Variants in CUL3 observed in about 807,000 individuals in gnomAD.
The protein encoded by CUL3 is cullin 3.
A neutral mutation model predicts 89.1 loss-of-function variants in CUL3; 19 were observed. The observed-to-expected ratio is 0.21, with a 90% CI of 0.15 to 0.31. The LOEUF (loss-of-function observed/expected upper bound fraction) is 0.31, where lower values mean the gene tolerates loss of function less well. Ranked by LOEUF, CUL3 falls within the 10% of genes least tolerant of loss-of-function variation. The pLI, the probability that CUL3 is intolerant of heterozygous loss-of-function variation, is 1.00. For synonymous variants in CUL3, 351 were observed against 308.4 expected (o/e 1.14, Z -1.45); for missense variants, 469 against 942.3 (o/e 0.50, Z 6.58).
At chr2:224,505,924 TA>T (rs1235860381) in intron 8 of CUL3, 31 bp downstream of exon 8, 1 of 1,364,084 alleles carries the variant, frequency 7.3e-7, no homozygotes, top group Non-Finnish European at 9.9e-7. Context: ...TAAATAAAAT[TA>T]AATGTTATTT....
In CUL3 at chr2:224,506,116, T is replaced by G; in HGVS notation, c.1046A>C (p.Lys349Thr). The G allele has an allele frequency of 6.3e-7, 1 of 1,594,318 alleles. No individual in the cohort carries two copies. Among genetic ancestry groups the G allele is most frequent in the Non-Finnish European group, 8.5e-7 (1 of 1,171,322 alleles). Residue 349 changes from lysine (K) to threonine (T), a missense_variant, in exon 8 of 16, where the codon AAG becomes ACG. Physicochemically the swap from Lys to Thr is moderately conservative, Grantham distance 78. This residue lies in a region of CUL3 where 370 missense variants were observed against 733.2 expected (regional missense o/e 0.50). Transcript: ENST00000264414. ...CAGGAGGAAGCGATCGAACCTACTC[T>G]TCAGATCCAATAAGCCCTTAGAAAT... The part of the protein sequence containing the change: ...VDYIQGLLDL[K>T]SRFDRFLLES...
chr2:224,505,970 T>G lies in CUL3; in HGVS notation c.1192A>C (p.Lys398Gln). The G allele has an allele frequency of 6.3e-7, 1 of 1,595,702 alleles. No individual in the cohort carries two copies. Among genetic ancestry groups the G allele is most frequent in the Non-Finnish European group, 8.5e-7 (1 of 1,170,858 alleles). The change falls in exon 8 of 16, where the codon AAG (lysine) becomes CAG (glutamine). Residue 398 changes from lysine (K) to glutamine (Q), a missense_variant. This residue lies in a region of CUL3 where 370 missense variants were observed against 733.2 expected (regional missense o/e 0.50). Coordinates refer to ENST00000264414, the MANE Select transcript of CUL3 (RefSeq NM_003590.5). ...TTACTACTTACCCCTTTGACTCCCTTTTTCAGCTTATCATCAATAAATAAT... is the reference window on the plus strand; with the variant it reads ...TTACTACTTACCCCTTTGACTCCCTGTTTCAGCTTATCATCAATAAATAAT... ...LSLFIDDKLKKGVKGLTEQEV... is the reference protein window; with the variant it reads ...LSLFIDDKLKQGVKGLTEQEV...
intron 2 of CUL3, among the ~76,000 whole-genome samples, chr2:224,548,926 T>C (rs1312625217): frequency 6.6e-6 from 1 of 151,822 alleles, no homozygotes; most frequent in East Asian, 1.9e-4. Flanking sequence ...CACCACAGCC[T>C]GGGAGGCGGA....
chr2:224,471,149 C>T lies in CUL3; in HGVS notation c.*3096G>A, dbSNP rs886055681. 9.3e-6 allele frequency: 2 copies of T among 214,708 alleles called. No individual in the cohort carries two copies. The highest frequency in any genetic ancestry group is 7.1e-5 in the East Asian group (1 of 14,176). 13.3% of individuals were successfully genotyped at this position (214,708 alleles called of 1,614,324 possible). The stretch of plus-strand genomic sequence containing the variant: ...TGCTGACCTGAAATGTTTTAACATT[C>T]GTATTTACAGAATGCAAAATACTAT... On this transcript the variant is annotated 3_prime_UTR_variant, in exon 16 of 16. Transcript: ENST00000264414.
Position 224,506,139 on chromosome 2 carries a change from A to C in CUL3, c.1030-7T>G, listed in dbSNP as rs1457745922. 3 of 1,552,424 alleles carry C rather than the reference A, an allele frequency of 1.9e-6. No homozygotes were observed. The highest frequency in any genetic ancestry group is 2.6e-6 in the Non-Finnish European group (3 of 1,151,826). On this transcript the variant is annotated splice_polypyrimidine_tract_variant and splice_region_variant and intron_variant, in intron 7 of 15. Transcript: ENST00000264414. The stretch of plus-strand genomic sequence containing the variant: ...TCTTCAGATCCAATAAGCCCTTAGA[A>C]ATAAAAACAAAATTTAGGACACATT...
Position 224,478,290 on chromosome 2 carries a change from T to C in CUL3, c.2085A>G (p.Val695=), listed in dbSNP as rs1198997823. The C allele has an allele frequency of 1.2e-6, 2 of 1,613,840 alleles. No individual in the cohort carries two copies. Among genetic ancestry groups the C allele is most frequent in the East Asian group, 2.2e-5 (1 of 44,854 alleles). The part of the protein sequence containing the change: ...DPERKETRQK[V]DDDRKHEIEA... ...CTATCTCATGTTTTCTGTCGTCGTC[T>C]ACTTTCTGCCTTGTTTCTTTCCTCT... is the stretch of plus-strand genomic sequence containing the variant. Residue 695 remains valine, a synonymous_variant, in exon 15 of 16, where the codon GTA becomes GTG. Transcript: ENST00000264414.
In CUL3 at chr2:224,514,599, A is replaced by G. The variant is rs561466490; in HGVS notation, c.539+13T>C. 19 of 1,598,300 alleles carry G rather than the reference A, an allele frequency of 1.2e-5. No homozygotes were observed. In the South Asian group the frequency reaches 1.5e-4, roughly 12 times the overall value. On this transcript the variant is annotated intron_variant, in intron 4 of 15. Coordinates refer to ENST00000264414, the MANE Select transcript of CUL3 (RefSeq NM_003590.5). Reference sequence around the variant, plus strand: ...TAAAACCAAAACCACAAGAGTAAAGAGAGAAATTTTACCTGTCTACGACTT... The same window carrying G: ...TAAAACCAAAACCACAAGAGTAAAGGGAGAAATTTTACCTGTCTACGACTT...
At chr2:224,493,717 T>C (rs1239623449) in intron 13 of CUL3, among the ~76,000 whole-genome samples, 1 of 152,210 alleles carries the variant, frequency 6.6e-6, no homozygotes, top group African/African-American at 2.4e-5. Context: ...CAGGTCTTTA[T>C]AAGCCAGGAC....
rs947399928 is a variant in CUL3 at position 224,472,474 on chromosome 2, T to C, written c.*1771A>G. The stretch of plus-strand genomic sequence containing the variant: ...TTACTTTCCTATAAACATCTTACCA[T>C]TATAGAAAATTTCCAATTATGTCAA... On this transcript the variant is annotated 3_prime_UTR_variant, in exon 16 of 16. Transcript: ENST00000264414. The C allele has an allele frequency of 1.0e-5, 2 of 193,132 alleles. No homozygotes were observed. Among genetic ancestry groups the C allele is most frequent in the African/African-American group, 2.3e-5 (1 of 43,158 alleles). 12.0% of individuals were successfully genotyped at this position (193,132 alleles called of 1,614,324 possible). A position where few individuals can be genotyped will look rare whatever the true frequency, so the allele number is the denominator to read the frequency against.
intron 2 of CUL3, among the ~76,000 whole-genome samples, chr2:224,551,984 A>G (rs2106294241): frequency 6.6e-6 from 1 of 152,152 alleles, no homozygotes; most frequent in East Asian, 1.9e-4. Context: ...TCTTGATTAT[A>G]TTTTATAACT....
At chr2:224,561,135 T>C (rs6436497) in intron 1 of CUL3, among the ~76,000 whole-genome samples, 28,803 of 152,080 alleles carry the variant, frequency 0.19, 3,043 homozygotes, top group South Asian at 0.27. Flanking sequence ...TTTCCTGGTC[T>C]CCCTCTCTAC....
chr2:224,497,936 T>TGTG, intron 11 of CUL3, 87 bp from the exon 12 acceptor site: 9 of 922,984 alleles, frequency 9.8e-6, no homozygotes, highest in African/African-American at 1.7e-5. Context: ...CCTTAAACAT[T>TGTG]TGTGTGTGTG....
intron 1 of CUL3, among the ~76,000 whole-genome samples, chr2:224,576,692 G>C (rs968664415): frequency 3.4e-5 from 5 of 147,294 alleles, no homozygotes; most frequent in South Asian, 2.2e-4. Context: ...AAAAAAGGGG[G>C]GGGGGGGAGG....
At position 224,493,097 on chromosome 2, in the gene CUL3, C is replaced by T. The variant is rs144780455; in HGVS notation, c.1842+2735G>A. On this transcript the variant is annotated intron_variant, in intron 13 of 15. Coordinates refer to ENST00000264414, the MANE Select transcript of CUL3 (RefSeq NM_003590.5). Reference sequence around the variant, plus strand: ...ACATCTAAATGCAACCTCATGAACCCCAAGCCAGAACTACCCAACTGAGTA... The same window carrying T: ...ACATCTAAATGCAACCTCATGAACCTCAAGCCAGAACTACCCAACTGAGTA... Among the ~76,000 whole-genome samples the T allele has an allele frequency of 5.3e-5, 8 of 152,294 alleles. No individual in the cohort carries two copies. The East Asian group carries it at 1.5e-3, about 29-fold the overall frequency.
At chr2:224,535,320 C>A (rs1024902760) in intron 3 of CUL3, among the ~76,000 whole-genome samples, 1 of 152,124 alleles carries the variant, frequency 6.6e-6, no homozygotes, top group East Asian at 1.9e-4. Flanking sequence ...ATTACAGGTG[C>A]CCACCACTGC....
intron 1 of CUL3, among the ~76,000 whole-genome samples, chr2:224,574,683 C>G (rs1182400404): frequency 2.0e-5 from 3 of 152,148 alleles, no homozygotes; most frequent in African/African-American, 7.2e-5. Context: ...CTACATGAAA[C>G]AGAATTATAG....
chr2:224,562,235 T>C (rs904774730), intron 1 of CUL3, among the ~76,000 whole-genome samples: 3 of 152,142 alleles, frequency 2.0e-5, no homozygotes, highest in Non-Finnish European at 4.4e-5. Context: ...TTGTATGTAG[T>C]GCGTTTTTTT....
At chr2:224,542,557 G>GT (rs1694154600) in intron 2 of CUL3, among the ~76,000 whole-genome samples, 1 of 96,976 alleles carries the variant, frequency 1.0e-5, no homozygotes, top group Admixed American at 1.1e-4. Flanking sequence ...GTGCGTGTGC[G>GT]TGTGTGTGTG....
At chr2:224,486,807 A>T (rs1373704124) in intron 13 of CUL3, among the ~76,000 whole-genome samples, 1 of 152,146 alleles carries the variant, frequency 6.6e-6, no homozygotes, top group Non-Finnish European at 1.5e-5. Context: ...ACCCCAAGAC[A>T]CATAATCATC....
Sources: gnomAD v4.1 joint callset for allele counts (sites outside exome capture counted in the v4.1 genomes callset) on GRCh38, gnomAD v4.1.1 for gene constraint, gnomAD v4.1.1 regional missense constraint, MANE v1.5 for transcripts, NCBI Gene and HGNC (gene_info 2026-07-23, HGNC 2026-07-21) for gene names.